Variants in THSD4 observed in about 807,000 individuals in gnomAD.
The protein encoded by THSD4 is thrombospondin type-1 domain-containing protein 4.
Under a neutral mutation model 119.0 loss-of-function variants are expected in THSD4, and 69 were observed. That is an observed-to-expected ratio of 0.58 (90% confidence interval 0.48 to 0.71). The LOEUF (loss-of-function observed/expected upper bound fraction) is 0.71. THSD4 is among the 30% of genes least tolerant of loss of function. The pLI, the probability that THSD4 is intolerant of heterozygous loss-of-function variation, is 0.00. For synonymous variants in THSD4, 524 were observed against 540.4 expected (o/e 0.97, Z 0.42); for missense variants, 1,393 against 1,391.1 (o/e 1.00, Z -0.02).
chr15:71,406,380 T>C (rs908959706), intron 6 of THSD4, among the ~76,000 whole-genome samples: 1 of 152,214 alleles, frequency 6.6e-6, no homozygotes, highest in Non-Finnish European at 1.5e-5. Flanking sequence ...AATTGCCTTA[T>C]AGTATTGTTC....
chr15:71,112,112 G>C, upstream of THSD4: 1 of 1,613,366 alleles, frequency 6.2e-7, no homozygotes, highest in Non-Finnish European at 8.5e-7. Context: ...TCTCAGCAGT[G>C]AGCCATTCAT....
intron 4 of THSD4, among the ~76,000 whole-genome samples, chr15:71,236,856 G>T (rs375585275): frequency 8.3e-4 from 126 of 152,320 alleles, no homozygotes; most frequent in African/African-American, 2.9e-3. Flanking sequence ...AAAGAGAAGG[G>T]CATCAGTTCT....
intron 7 of THSD4, among the ~76,000 whole-genome samples, chr15:71,482,977 A>G (rs1241318178): frequency 6.6e-6 from 1 of 152,220 alleles, no homozygotes; most frequent in Non-Finnish European, 1.5e-5. Context: ...ATTGGCCAGA[A>G]CCATTGCCAT....
chr15:71,131,937 A>G (rs1454122900), intron 1 of THSD4, among the ~76,000 whole-genome samples: 3 of 152,236 alleles, frequency 2.0e-5, no homozygotes, highest in African/African-American at 7.2e-5. Context: ...TGCCTGCATG[A>G]CTGTGTGAAG....
intron 6 of THSD4, among the ~76,000 whole-genome samples, chr15:71,392,312 T>C (rs555219964): frequency 6.6e-6 from 1 of 152,218 alleles, no homozygotes; most frequent in Non-Finnish European, 1.5e-5. Context: ...GGTTAACTTT[T>C]ATTGAGTGCC....
chr15:71,509,467 T>C (rs984293432), intron 7 of THSD4, among the ~76,000 whole-genome samples: 3 of 152,192 alleles, frequency 2.0e-5, no homozygotes, highest in African/African-American at 7.2e-5. Flanking sequence ...CTCATTAGCT[T>C]GTAAGTAAGT....
intron 4 of THSD4, among the ~76,000 whole-genome samples, chr15:71,215,771 A>G: frequency 6.6e-6 from 1 of 152,148 alleles, no homozygotes; most frequent in East Asian, 1.9e-4. Context: ...AGCTGAGGAC[A>G]CAAGACGAGA....
chr15:71,319,170 C>T (rs2045231842), intron 6 of THSD4, among the ~76,000 whole-genome samples: 1 of 152,110 alleles, frequency 6.6e-6, no homozygotes, highest in African/African-American at 2.4e-5. Context: ...GGACTGAGCA[C>T]CTTAGGACAC....
chr15:71,620,920 T>C (rs757668433), intron 7 of THSD4, among the ~76,000 whole-genome samples: 10 of 152,338 alleles, frequency 6.6e-5, no homozygotes, highest in Admixed American at 3.3e-4. Flanking sequence ...CCTTTCTGGC[T>C]GCCTCCTATT....
chr15:71,745,155 G>C lies in THSD4; in HGVS notation c.1956G>C (p.Glu652Asp), dbSNP rs773798111. 1 of 1,612,680 alleles carries C rather than the reference G, an allele frequency of 6.2e-7. No homozygotes were observed. The highest frequency in any genetic ancestry group is 1.1e-5 in the South Asian group (1 of 90,992). ...FRCVHRSTHE[E>D]APESYCDSSM... Reference sequence around the variant, plus strand: ...GTGTGCACAGAAGCACTCATGAAGAGGCTCCTGAGAGTTACTGTGACTCCA... The same window carrying C: ...GTGTGCACAGAAGCACTCATGAAGACGCTCCTGAGAGTTACTGTGACTCCA... Residue 652 changes from glutamate to aspartate, a missense_variant, in exon 12 of 18, where the codon GAG becomes GAC. Physicochemically the swap from Glu to Asp is conservative, Grantham distance 45. Coordinates refer to ENST00000261862, the MANE Select transcript of THSD4 (RefSeq NM_024817.3).
chr15:71,718,176 A>G (rs1237847893), intron 8 of THSD4, among the ~76,000 whole-genome samples: 2 of 151,750 alleles, frequency 1.3e-5, no homozygotes, highest in Non-Finnish European at 2.9e-5. Context: ...GATTGCAAAA[A>G]CTGGAATCTG....
At chr15:71,097,505 G>A (rs1025485773) in intron 1 of THSD4, among the ~76,000 whole-genome samples, 1 of 151,296 alleles carries the variant, frequency 6.6e-6, no homozygotes, top group Non-Finnish European at 1.5e-5. Flanking sequence ...GGTCAAGGTT[G>A]CCGTCAGCCA....
chr15:71,465,792 A>G (rs568967151), intron 7 of THSD4, among the ~76,000 whole-genome samples: 1 of 152,302 alleles, frequency 6.6e-6, no homozygotes, highest in East Asian at 1.9e-4. Context: ...AAGGCACTGG[A>G]AAGAATGCTT....
intron 7 of THSD4, among the ~76,000 whole-genome samples, chr15:71,591,413 A>G (rs2049801983): frequency 6.6e-6 from 1 of 152,228 alleles, no homozygotes; most frequent in African/African-American, 2.4e-5. Context: ...CTATGTGATA[A>G]GATTTTGATC....
intron 7 of THSD4, among the ~76,000 whole-genome samples, chr15:71,598,517 C>T (rs36095558): frequency 0.4 from 60,445 of 152,022 alleles, 13,585 homozygotes; most frequent in Non-Finnish European, 0.51. Context: ...GTTTTGCAGA[C>T]GTCATTTCTC....
At chr15:71,747,735 GAAAC>G (rs1172117324) in intron 13 of THSD4, among the ~76,000 whole-genome samples, 2 of 152,198 alleles carry the variant, frequency 1.3e-5, no homozygotes, top group Non-Finnish European at 2.9e-5. Flanking sequence ...TTATGACTCA[GAAAC>G]AAACCAAACA....
At chr15:71,194,956 C>T (rs1210845290) in intron 3 of THSD4, among the ~76,000 whole-genome samples, 2 of 152,246 alleles carry the variant, frequency 1.3e-5, no homozygotes, top group East Asian at 3.9e-4. Flanking sequence ...GAAGCACAGC[C>T]TGGTGTTCCG....
At chr15:71,488,019 G>T (rs1047930613) in intron 7 of THSD4, among the ~76,000 whole-genome samples, 4 of 151,722 alleles carry the variant, frequency 2.6e-5, no homozygotes, top group Admixed American at 2.6e-4. Flanking sequence ...TTCTTATTCA[G>T]TTATGTAGGC....
intron 6 of THSD4, among the ~76,000 whole-genome samples, chr15:71,332,043 T>C (rs1314691462): frequency 2.0e-5 from 3 of 152,154 alleles, no homozygotes; most frequent in African/African-American, 7.2e-5. Flanking sequence ...GGGGCAGTTG[T>C]AGGGAAGGGT....
Sources: allele counts gnomAD v4.1 joint callset (sites outside exome capture counted in the v4.1 genomes callset), GRCh38; gene constraint gnomAD v4.1.1; transcripts MANE v1.5; gene names NCBI Gene and HGNC (gene_info 2026-07-23, HGNC 2026-07-21).